RREB1: variants seen among roughly 807,000 people sequenced by gnomAD.
The protein encoded by RREB1 is ras-responsive element-binding protein 1.
RREB1 carries 27 observed loss-of-function variants against 117.8 expected under a neutral mutation model. The ratio of observed to expected loss-of-function variants is 0.23; its 90% CI spans 0.17 to 0.32. RREB1 has a LOEUF of 0.32. Among genes scored for constraint, RREB1 ranks in the 10% least tolerant of loss-of-function variants. The pLI is 1.00. For synonymous variants in RREB1, 1,298 were observed against 1,026.7 expected, an observed-to-expected ratio of 1.26 and a Z score of -5.05; for missense variants, 2,577 against 2,378.2, an observed-to-expected ratio of 1.08 and a Z score of -1.74.
intron 1 of RREB1, among the ~76,000 whole-genome samples, chr6:7,170,944 G>C (rs952494737): frequency 6.6e-6 from 1 of 152,090 alleles, no homozygotes; most frequent in African/African-American, 2.4e-5. Flanking sequence ...GCCCCCAGAG[G>C]GTTTCTGACT....
chr6:7,178,844 C>T (rs1324400954), intron 2 of RREB1, among the ~76,000 whole-genome samples: 1 of 151,964 alleles, frequency 6.6e-6, no homozygotes, highest in Non-Finnish European at 1.5e-5. Flanking sequence ...ATACTTTATC[C>T]CCAAGGAAGA....
chr6:7,246,597 G>C lies in RREB1; in HGVS notation c.4147G>C (p.Gly1383Arg). 6.4e-7 allele frequency: 1 copy of C among 1,557,000 alleles called. No individual in the cohort carries two copies. The highest frequency in any genetic ancestry group is 8.7e-7 in the Non-Finnish European group (1 of 1,150,736). Residue 1383 changes from glycine to arginine, a missense_variant, in exon 12 of 13, where the codon GGG becomes CGG. Gly to Arg is a moderately radical substitution (Grantham distance 125). Transcript: ENST00000379938. ...CTCGCCGGTGCACCGGGAAGAGCAC[G>C]GGCGTGGGGAGAGCCATGAGCCGGA... ...TASPVHREEHGRGESHEPEEE... is the reference protein window; with the variant it reads ...TASPVHREEHRRGESHEPEEE...
rs1377577343 is a variant in RREB1, at chr6:7,246,746, C to T, written c.4296C>T (p.Gly1432=). ...TKLMDFKLAE[G]DGEAGAGGAA... is the part of the protein sequence containing the mutation. The stretch of plus-strand genomic sequence containing the variant: ...TCATGGACTTCAAGCTGGCGGAGGG[C>T]GACGGCGAGGCAGGCGCCGGGGGCG... Residue 1432 remains glycine, a synonymous_variant, in exon 12 of 13, where the codon GGC becomes GGT. Coordinates refer to ENST00000379938, the MANE Select transcript of RREB1 (RefSeq NM_001003699.4). 4 of 1,572,296 alleles carry T rather than the reference C, an allele frequency of 2.5e-6. No homozygotes were observed. The highest frequency in any genetic ancestry group is 1.4e-5 in the African/African-American group (1 of 73,774).
In RREB1 at chr6:7,229,866, G is replaced by T; in HGVS notation, c.1767G>T (p.Gln589His). The change falls in exon 10 of 13, where the codon CAG (glutamine) becomes CAT (histidine). Residue 589 changes from glutamine (Q) to histidine (H), a missense_variant. Transcript: ENST00000379938. The surrounding 1 kb of genome is among the most constrained non-coding windows in gnomAD (Gnocchi z 4.5). ...LQQPRAELPG[Q>H]PEMKTQLEQD... is the part of the protein sequence containing the mutation. ...AGCCGCGGGCGGAGCTGCCGGGCCA[G>T]CCTGAGATGAAGACGCAGCTGGAGC... is the stretch of plus-strand genomic sequence containing the variant. 6.2e-7 allele frequency: 1 copy of T among 1,610,690 alleles called. No homozygotes were observed. The highest frequency in any genetic ancestry group is 8.5e-7 in the Non-Finnish European group (1 of 1,178,544).
chr6:7,144,827 G>A (rs1045732742), intron 1 of RREB1, among the ~76,000 whole-genome samples: 1 of 152,094 alleles, frequency 6.6e-6, no homozygotes, highest in Non-Finnish European at 1.5e-5. Flanking sequence ...TTGGTATCCT[G>A]GAGCTTCCAA....
At chr6:7,108,252 G>T (rs1159047840) in intron 1 of RREB1, among the ~76,000 whole-genome samples, 192 bp downstream of exon 1, 1 of 152,094 alleles carries the variant, frequency 6.6e-6, no homozygotes, top group Non-Finnish European at 1.5e-5. Context: ...GCGTGCGCTC[G>T]GGCCGGCGGG....
chr6:7,150,936 C>T (rs138692010), intron 1 of RREB1, among the ~76,000 whole-genome samples: 1 of 152,294 alleles, frequency 6.6e-6, no homozygotes, highest in East Asian at 1.9e-4. Context: ...GTGCAGTGAG[C>T]GAAGCATCCA....
At chr6:7,190,543 G>A (rs1284949134) in intron 6 of RREB1, among the ~76,000 whole-genome samples, 1 of 152,188 alleles carries the variant, frequency 6.6e-6, no homozygotes, top group African/African-American at 2.4e-5. Flanking sequence ...AATATTTTAA[G>A]AATTTACAAA....
intron 1 of RREB1, among the ~76,000 whole-genome samples, chr6:7,121,192 T>C (rs911983846): frequency 1.3e-5 from 2 of 152,112 alleles, no homozygotes; most frequent in Non-Finnish European, 2.9e-5. Context: ...ACTCCTGGGC[T>C]CAAGTGATCT....
At chr6:7,237,251 A>G (rs1232686230) in intron 10 of RREB1, among the ~76,000 whole-genome samples, 2 of 151,890 alleles carry the variant, frequency 1.3e-5, no homozygotes, top group Non-Finnish European at 1.5e-5. Flanking sequence ...GCACCCAACT[A>G]ATTTTTTGTA....
Position 7,166,114 on chromosome 6 carries a change from G to A in RREB1, c.-284-10541G>A, listed in dbSNP as rs965915624. 1.1e-4 allele frequency among the ~76,000 whole-genome samples: 17 copies of A among 152,276 alleles called. No individual in the cohort carries two copies. The South Asian group carries it at 2.9e-3, about 26-fold the overall frequency. ...TTGTGAACTAATCACCGCCTGGAGA[G>A]CCTGTGTGCCTCACACTTCCTCCAG... is the stretch of plus-strand genomic sequence containing the variant. On this transcript the variant is annotated intron_variant, in intron 1 of 12. Transcript: ENST00000379938.
At position 7,230,579 on chromosome 6, in the gene RREB1, C is replaced by T; in HGVS notation, c.2480C>T (p.Ala827Val). 1.9e-6 allele frequency: 3 copies of T among 1,600,312 alleles called. No homozygotes were observed. The highest frequency in any genetic ancestry group is 2.6e-6 in the Non-Finnish European group (3 of 1,175,106). ...CAGGACATCGAGAGCTACGTGCTGG[C>T]CGCCGACGGCCTGGGCCCCGCAGAG... ...PEQDIESYVL[A>V]ADGLGPAEAP... is the part of the protein sequence containing the mutation. Residue 827 changes from alanine to valine, a missense_variant, in exon 10 of 13, where the codon GCC becomes GTC. Transcript: ENST00000379938.
rs1390374466 is a variant in RREB1 at position 7,248,496 on chromosome 6, C to T, written c.4772-15C>T. On this transcript the variant is annotated splice_polypyrimidine_tract_variant and intron_variant, in intron 12 of 12. Transcript: ENST00000379938. The stretch of plus-strand genomic sequence containing the variant: ...GCCTTTTGGTTAATGGAAATTCTTT[C>T]TTCCATTGTTCCAGGGGAAAGGCCA... 8 of 1,608,950 alleles carry T rather than the reference C, an allele frequency of 5.0e-6. No homozygotes were observed. Among genetic ancestry groups the T allele is most frequent in the African/African-American group, 1.3e-5 (1 of 74,842 alleles).
In RREB1 at chr6:7,229,803, G is replaced by T. The variant is rs770296374; in HGVS notation, c.1704G>T (p.Gly568=). 3.7e-6 allele frequency: 6 copies of T among 1,610,552 alleles called. No individual in the cohort carries two copies. Among genetic ancestry groups the T allele is most frequent in the Non-Finnish European group, 5.1e-6 (6 of 1,178,618 alleles). The change falls in exon 10 of 13, where the codon GGG becomes GGT. Residue 568 remains glycine (G), a synonymous_variant. Transcript: ENST00000379938. The surrounding 1 kb of genome is among the most constrained non-coding windows in gnomAD (Gnocchi z 4.5). ...CCCACCTGCTGCAGTCCAAGTCCGG[G>T]ACCCAGCCCCACGCGGCCACGCGGC... ...SNAHLLQSKS[G]TQPHAATRLS... is the part of the protein sequence containing the mutation.
Position 7,189,354 on chromosome 6 carries a change from G to T in RREB1, c.425+32G>T. 3 of 1,540,462 alleles carry T rather than the reference G, an allele frequency of 1.9e-6. 1 individual carries two copies. The highest frequency in any genetic ancestry group is 1.2e-5 in the South Asian group (1 of 82,196). ...GAGGGCGCCCTTTGCTTGGGGGGTT[G>T]GCTGGTACTTGGAGGTTGGCAGGCA... is the stretch of plus-strand genomic sequence containing the variant. On this transcript the variant is annotated intron_variant, in intron 6 of 12. Coordinates refer to ENST00000379938, the MANE Select transcript of RREB1 (RefSeq NM_001003699.4).
chr6:7,173,672 G>A (rs1403717106), intron 1 of RREB1, among the ~76,000 whole-genome samples: 1 of 151,972 alleles, frequency 6.6e-6, no homozygotes, highest in Non-Finnish European at 1.5e-5. Flanking sequence ...ATTAAAGTTA[G>A]CCGGGTGTGG....
intron 1 of RREB1, among the ~76,000 whole-genome samples, chr6:7,109,491 C>A (rs1761029849): frequency 7.0e-6 from 1 of 143,400 alleles, no homozygotes; most frequent in Admixed American, 6.9e-5. Flanking sequence ...CCGAGCCCAC[C>A]GATGGGCGAG....
At chr6:7,129,742 C>A (rs529131691) in intron 1 of RREB1, among the ~76,000 whole-genome samples, 1 of 152,172 alleles carries the variant, frequency 6.6e-6, no homozygotes, top group Non-Finnish European at 1.5e-5. Flanking sequence ...ATCCTGTTGT[C>A]GGAAAGGTGC....
rs913667744 is a variant in RREB1, at chr6:7,251,511, T to C, written c.*2543T>C. On this transcript the variant is annotated 3_prime_UTR_variant, in exon 13 of 13. Coordinates refer to ENST00000379938, the MANE Select transcript of RREB1 (RefSeq NM_001003699.4). ...TCTCTTTTTTTTTTTTTTTTTTTTT[T>C]CTCATTGATTAATGGACATGATGCT... is the stretch of plus-strand genomic sequence containing the variant. 8.6e-5 allele frequency: 12 copies of C among 139,126 alleles called. No homozygotes were observed. The highest frequency in any genetic ancestry group is 2.2e-4 in the Admixed American group (3 of 13,704). 8.6% of individuals were successfully genotyped at this position (139,126 alleles called of 1,614,324 possible).
Sources: allele counts gnomAD v4.1 joint callset (sites outside exome capture counted in the v4.1 genomes callset), GRCh38; gene constraint gnomAD v4.1.1; non-coding constraint Gnocchi (gnomAD v3.1); transcripts MANE v1.5; gene names NCBI Gene and HGNC (gene_info 2026-07-23, HGNC 2026-07-21).